Variants in FOXP1 observed in about 807,000 individuals in gnomAD.
The protein encoded by FOXP1 is forkhead box P1, also known as forkhead box protein P1.
In FOXP1, 15 loss-of-function variants were observed where a neutral mutation model predicts 98.2. The ratio of observed to expected loss-of-function variants is 0.15; its 90% CI spans 0.10 to 0.24. The LOEUF (loss-of-function observed/expected upper bound fraction) is 0.24, where lower values mean the gene tolerates loss of function less well. Ranked by LOEUF, FOXP1 falls within the 10% of genes least tolerant of loss-of-function variation. The pLI is 1.00. For synonymous variants in FOXP1, 371 were observed against 314.5 expected (o/e 1.18, Z -1.90); for missense variants, 633 against 848.5 (o/e 0.75, Z 3.15).
chr3:70,985,773 C>T (rs2039630025), intron 14 of FOXP1, among the ~76,000 whole-genome samples: 2 of 151,986 alleles, frequency 1.3e-5, no homozygotes, highest in African/African-American at 4.8e-5. Context: ...GCAAACCTCA[C>T]ACAGACGGCC....
chr3:71,228,868 C>A (rs2066052358), intron 5 of FOXP1, among the ~76,000 whole-genome samples: 1 of 151,720 alleles, frequency 6.6e-6, no homozygotes, highest in Admixed American at 6.6e-5. Context: ...GGCAATGCCA[C>A]AGCAAAAGTC....
chr3:71,571,165 A>G (rs1467759909), intron 2 of FOXP1: 1 of 152,242 alleles, frequency 6.6e-6, no homozygotes, highest in Non-Finnish European at 1.5e-5. Context: ...CTTTGTTGAC[A>G]AGGAAGGTAG....
chr3:71,489,372 C>A (rs187771400), intron 3 of FOXP1, among the ~76,000 whole-genome samples: 35 of 152,264 alleles, frequency 2.3e-4, no homozygotes, highest in East Asian at 1.3e-3. Flanking sequence ...TATGTCTTTT[C>A]ACCAGATCTA....
At chr3:71,008,377 A>G (rs2107671739) in intron 12 of FOXP1, among the ~76,000 whole-genome samples, 1 of 152,298 alleles carries the variant, frequency 6.6e-6, no homozygotes, top group South Asian at 2.1e-4. Flanking sequence ...GAAAAAAGAA[A>G]GGACTCAAGT....
intron 5 of FOXP1, chr3:71,210,895 T>C (rs745513022): frequency 2.6e-5 from 4 of 152,198 alleles, no homozygotes; most frequent in Admixed American, 2.6e-4. Flanking sequence ...TGAGCTTCAG[T>C]TTTTATTTTC....
At chr3:71,438,583 G>C (rs1424144101) in intron 3 of FOXP1, among the ~76,000 whole-genome samples, 2 of 151,950 alleles carry the variant, frequency 1.3e-5, no homozygotes, top group Non-Finnish European at 2.9e-5. Flanking sequence ...CATAATTTTG[G>C]TCTCCAAACA....
At chr3:71,450,879 T>TC (rs1409925566) in intron 3 of FOXP1, among the ~76,000 whole-genome samples, 31 of 152,272 alleles carry the variant, frequency 2.0e-4, no homozygotes, top group African/African-American at 7.0e-4. Flanking sequence ...CCATTTCATG[T>TC]CCCTTGACAC....
intron 12 of FOXP1, among the ~76,000 whole-genome samples, 198 bp downstream of exon 12, chr3:71,015,351 C>T (rs1425405253): frequency 1.3e-5 from 2 of 151,864 alleles, no homozygotes; most frequent in African/African-American, 4.8e-5. Flanking sequence ...TGAATGTAAG[C>T]CTTTTTCCCA....
chr3:71,381,514 C>T (rs2080179183), intron 3 of FOXP1, among the ~76,000 whole-genome samples: 1 of 147,080 alleles, frequency 6.8e-6, no homozygotes, highest in Admixed American at 7.0e-5. Flanking sequence ...ACGATCACAG[C>T]TCACTGCGGC....
chr3:71,190,638 C>CAAAAAAAA (rs55747148), intron 6 of FOXP1, among the ~76,000 whole-genome samples: 29 of 43,410 alleles, frequency 6.7e-4, no homozygotes, highest in East Asian at 1.4e-3. Flanking sequence ...ACCCCATCTC[C>CAAAAAAAA]AAAAAAAAAA....
chr3:71,536,910 C>T (rs1007233632), intron 2 of FOXP1, among the ~76,000 whole-genome samples: 7 of 152,048 alleles, frequency 4.6e-5, no homozygotes, highest in South Asian at 2.1e-4. Context: ...AGAATAGCAG[C>T]GATGACGGCC....
chr3:71,567,627 G>A (rs1440326738), intron 2 of FOXP1, among the ~76,000 whole-genome samples: 3 of 152,144 alleles, frequency 2.0e-5, no homozygotes, highest in African/African-American at 7.2e-5. Flanking sequence ...GGTACCGCAC[G>A]TCCATAAAAT....
chr3:70,971,730 ATTATGGG>A (rs1307256254), intron 18 of FOXP1: 4 of 295,002 alleles, frequency 1.4e-5, no homozygotes, highest in African/African-American at 2.2e-5. Context: ...GAGAGGGGGG[ATTATGGG>A]TTAAGCACAA....
intron 3 of FOXP1, among the ~76,000 whole-genome samples, chr3:71,438,924 G>A (rs1233969733): frequency 7.0e-6 from 1 of 142,636 alleles, no homozygotes; most frequent in African/African-American, 2.5e-5. Flanking sequence ...CCACAGGGCA[G>A]AGTGGATGGT....
intron 4 of FOXP1, among the ~76,000 whole-genome samples, chr3:71,313,651 G>A (rs909513766): frequency 7.3e-5 from 11 of 151,558 alleles, no homozygotes; most frequent in African/African-American, 1.2e-4. Context: ...TCAGCCTCCC[G>A]ATTAGCTGGG....
chr3:71,337,272 AATAC>A (rs1325150201), intron 4 of FOXP1, among the ~76,000 whole-genome samples: 1 of 152,240 alleles, frequency 6.6e-6, no homozygotes, highest in Non-Finnish European at 1.5e-5. Context: ...AATATATACA[AATAC>A]ATATATATGA....
At chr3:71,023,715 G>A (rs779285997) in intron 11 of FOXP1, among the ~76,000 whole-genome samples, 27 of 152,108 alleles carry the variant, frequency 1.8e-4, no homozygotes, top group African/African-American at 5.3e-4. Context: ...ATGGGAATAC[G>A]AATTTGATCC....
intron 6 of FOXP1, among the ~76,000 whole-genome samples, chr3:71,150,348 C>T (rs2060506656): frequency 1.3e-5 from 2 of 152,176 alleles, no homozygotes; most frequent in Admixed American, 6.5e-5. Flanking sequence ...GGAATAAATT[C>T]TCCTTCTGAT....
At chr3:71,316,651 G>C (rs13325653) in intron 4 of FOXP1, among the ~76,000 whole-genome samples, 3,882 of 151,872 alleles carry the variant, frequency 0.026, 171 homozygotes, top group African/African-American at 0.087. Context: ...AATCTTCTTA[G>C]GGCATATTCT....
Sources: gnomAD v4.1 joint callset for allele counts (sites outside exome capture counted in the v4.1 genomes callset) on GRCh38, gnomAD v4.1.1 for gene constraint, MANE v1.5 for transcripts, NCBI Gene and HGNC (gene_info 2026-07-23, HGNC 2026-07-21) for gene names.